TPST2: variants seen among roughly 807,000 people sequenced by gnomAD.
TPST2 encodes the protein protein-tyrosine sulfotransferase 2.
TPST2 carries 16 observed loss-of-function variants against 27.8 expected under a neutral mutation model. The ratio of observed to expected loss-of-function variants is 0.58; its 90% CI spans 0.39 to 0.88. The LOEUF is 0.88. Ranked by LOEUF, TPST2 falls within the 40% of genes least tolerant of loss-of-function variation. The pLI is 0.00. For missense variants in TPST2, 464 were observed against 543.1 expected, an observed-to-expected ratio of 0.85 and a Z score of 1.45; for synonymous variants, 229 against 231.7, an observed-to-expected ratio of 0.99 and a Z score of 0.10.
chr22:26,558,120 TACACACACACACACACACACACAC>T (rs71192941), intron 1 of TPST2, among the ~76,000 whole-genome samples: 5 of 141,426 alleles, frequency 3.5e-5, no homozygotes, highest in Admixed American at 7.2e-5. Context: ...ATATATATAA[TACACACACACACACACACACACAC>T]ACACACACAC....
intron 1 of TPST2, among the ~76,000 whole-genome samples, chr22:26,571,417 C>T (rs1211005769): frequency 1.3e-5 from 2 of 152,064 alleles, no homozygotes; most frequent in Non-Finnish European, 2.9e-5. Context: ...CAGAAGCCCT[C>T]ACCCTGCGTG....
intron 1 of TPST2, among the ~76,000 whole-genome samples, chr22:26,556,736 T>A (rs1273265511): frequency 6.6e-6 from 1 of 152,230 alleles, no homozygotes; most frequent in Admixed American, 6.5e-5. Flanking sequence ...GGCTCCGTTA[T>A]GGACACAAAA....
intron 1 of TPST2, among the ~76,000 whole-genome samples, chr22:26,566,691 G>A (rs938643124): frequency 2.6e-5 from 4 of 152,186 alleles, no homozygotes; most frequent in African/African-American, 9.7e-5. Flanking sequence ...GGCGGAGTTT[G>A]CAGTGAGCCG....
intron 3 of TPST2, among the ~76,000 whole-genome samples, chr22:26,537,350 C>A (rs959474597): frequency 6.6e-6 from 1 of 152,216 alleles, no homozygotes; most frequent in Non-Finnish European, 1.5e-5. Flanking sequence ...CCTCAGTTTC[C>A]TCTTCTGTAA....
intron 1 of TPST2, among the ~76,000 whole-genome samples, chr22:26,588,001 A>G (rs1056459168): frequency 4.1e-5 from 6 of 146,776 alleles, no homozygotes; most frequent in Non-Finnish European, 9.0e-5. Context: ...TTACGACCCA[A>G]TCATTCCACT....
intron 1 of TPST2, among the ~76,000 whole-genome samples, chr22:26,569,425 T>C (rs936791128): frequency 2.0e-5 from 3 of 152,198 alleles, no homozygotes; most frequent in Admixed American, 2.0e-4. Flanking sequence ...TTTTGAAAAT[T>C]CATTGAGCTG....
At chr22:26,577,649 A>AT (rs771843747) in intron 1 of TPST2, among the ~76,000 whole-genome samples, 1,201 of 93,358 alleles carry the variant, frequency 0.013, 22 homozygotes, top group African/African-American at 0.033. Context: ...GCACCCGGCC[A>AT]TTTTTTTTTT....
chr22:26,529,341 GCTGGTTTTGAA>G (rs1925022397), intron 5 of TPST2, among the ~76,000 whole-genome samples: 1 of 152,130 alleles, frequency 6.6e-6, no homozygotes, highest in East Asian at 1.9e-4. Flanking sequence ...TGTTGGCCCG[GCTGGTTTTGAA>G]CTGCTGACCT....
At position 26,558,507 on chromosome 22, in the gene TPST2, G is replaced by A. The variant is rs893971800; in HGVS notation, c.-160-13832C>T. 5.3e-5 allele frequency among the ~76,000 whole-genome samples: 8 copies of A among 152,296 alleles called. No homozygotes were observed. The South Asian group carries it at 1.7e-3, about 32-fold the overall frequency. Reference sequence around the variant, plus strand: ...GGAGAGAAGGGAGAAAGCAGCAAAGGAGACACTGTGGGCAGGAGGAGGATG... The same window carrying A: ...GGAGAGAAGGGAGAAAGCAGCAAAGAAGACACTGTGGGCAGGAGGAGGATG... On this transcript the variant is annotated intron_variant, in intron 1 of 6. Transcript: ENST00000338754.
Position 26,522,098 on chromosome 22 carries a change from T to A in TPST2, c.*4177A>T, listed in dbSNP as rs1191376609. On this transcript the variant is annotated 3_prime_UTR_variant, in exon 7 of 7. Coordinates refer to ENST00000338754, the MANE Select transcript of TPST2 (RefSeq NM_003595.5). ...GGCTGTTAAGTCTTCATTGCTTAGC[T>A]TTACTAAACTAGATAATGTGTTTGC... 1 of 152,232 alleles carries A rather than the reference T, an allele frequency of 6.6e-6. No homozygotes were observed. Among genetic ancestry groups the A allele is most frequent in the Non-Finnish European group, 1.5e-5 (1 of 68,054 alleles). 9.4% of individuals were successfully genotyped at this position (152,232 alleles called of 1,614,324 possible). A position where few individuals can be genotyped will look rare whatever the true frequency, so the allele number is the denominator to read the frequency against.
intron 1 of TPST2, among the ~76,000 whole-genome samples, chr22:26,552,169 C>G (rs551330721): frequency 6.6e-6 from 1 of 152,262 alleles, no homozygotes; most frequent in East Asian, 1.9e-4. Context: ...TGGGCCACTA[C>G]GCCTGGCCGC....
At chr22:26,557,508 G>C (rs573525231) in intron 1 of TPST2, among the ~76,000 whole-genome samples, 1 of 152,144 alleles carries the variant, frequency 6.6e-6, no homozygotes, top group Non-Finnish European at 1.5e-5. Context: ...TGAATCTACC[G>C]ATGAGAAATC....
In TPST2 at chr22:26,541,903, A is replaced by T. The variant is rs1345797601; in HGVS notation, c.-88-185T>A. 2.0e-5 allele frequency among the ~76,000 whole-genome samples: 3 copies of T among 152,004 alleles called. No homozygotes were observed. Among genetic ancestry groups the T allele is most frequent in the Non-Finnish European group, 1.5e-5 (1 of 67,990 alleles). ...TTTTTTCAATTTTTTTTGTTTTTTT[A>T]AAGAGATGGGGTCTCACCATGTTTC... On this transcript the variant is annotated intron_variant, in intron 2 of 6. Coordinates refer to ENST00000338754, the MANE Select transcript of TPST2 (RefSeq NM_003595.5). The surrounding 1 kb of genome is among the most constrained non-coding windows in gnomAD (Gnocchi z 5.9).
At chr22:26,570,213 C>T (rs1450207215) in intron 1 of TPST2, among the ~76,000 whole-genome samples, 1 of 151,984 alleles carries the variant, frequency 6.6e-6, no homozygotes, top group East Asian at 1.9e-4. Context: ...TGCAGAGGAA[C>T]ACACAAGACT....
intron 1 of TPST2, among the ~76,000 whole-genome samples, chr22:26,587,577 G>A (rs920912225): frequency 4.6e-5 from 7 of 152,098 alleles, no homozygotes; most frequent in African/African-American, 1.2e-4. Flanking sequence ...CTGACCTCAG[G>A]TGACCTGCCC....
chr22:26,551,541 T>G (rs1204309888), intron 1 of TPST2, among the ~76,000 whole-genome samples: 1 of 152,116 alleles, frequency 6.6e-6, no homozygotes, highest in East Asian at 1.9e-4. Flanking sequence ...GCCTGTGTTC[T>G]CCTCCCTGTC....
intron 5 of TPST2, among the ~76,000 whole-genome samples, chr22:26,530,577 G>A (rs567123920): frequency 6.8e-6 from 1 of 146,220 alleles, no homozygotes; most frequent in Non-Finnish European, 1.5e-5. Context: ...GGTTGCAGTG[G>A]GCTGAGATGG....
chr22:26,561,203 T>C (rs1335492329), intron 1 of TPST2: 1 of 1,553,298 alleles, frequency 6.4e-7, no homozygotes, highest in East Asian at 2.2e-5. Context: ...CTATAAAGCA[T>C]TTAACCCCCC....
chr22:26,539,603 GAAAA>G (rs975535326), intron 3 of TPST2, among the ~76,000 whole-genome samples: 1 of 137,752 alleles, frequency 7.3e-6, no homozygotes, highest in African/African-American at 2.7e-5. Flanking sequence ...TCTCTACTAG[GAAAA>G]AAAAAAAAAA....
Sources: allele counts gnomAD v4.1 joint callset (sites outside exome capture counted in the v4.1 genomes callset), GRCh38; gene constraint gnomAD v4.1.1; non-coding constraint Gnocchi (gnomAD v3.1); transcripts MANE v1.5; gene names NCBI Gene and HGNC (gene_info 2026-07-23, HGNC 2026-07-21).